DCC: variants seen among roughly 807,000 people sequenced by gnomAD.
DCC encodes DCC netrin 1 receptor, also known as netrin receptor DCC.
Under a neutral mutation model 172.5 loss-of-function variants are expected in DCC, and 58 were observed. The ratio of observed to expected loss-of-function variants is 0.34; its 90% CI spans 0.27 to 0.42. The LOEUF is 0.42. Ranked by LOEUF, DCC falls within the 10% of genes least tolerant of loss-of-function variation. DCC has a pLI of 1.00. For missense variants in DCC, 1,740 were observed against 1,791.0 expected (o/e 0.97, Z 0.51); for synonymous variants, 709 against 644.5 (o/e 1.10, Z -1.52).
At chr18:52,953,769 A>C (rs1290150223) in intron 5 of DCC, among the ~76,000 whole-genome samples, 1 of 152,228 alleles carries the variant, frequency 6.6e-6, no homozygotes, top group Non-Finnish European at 1.5e-5. Context: ...CTCAAACACT[A>C]TGAAAGAGAT....
chr18:53,056,774 G>A (rs924403662), intron 5 of DCC, among the ~76,000 whole-genome samples: 1 of 151,878 alleles, frequency 6.6e-6, no homozygotes, highest in Non-Finnish European at 1.5e-5. Context: ...CAAAGATTAT[G>A]GTTATTTTTT....
chr18:53,090,938 G>A (rs1405221841), intron 7 of DCC, among the ~76,000 whole-genome samples: 2 of 151,742 alleles, frequency 1.3e-5, no homozygotes, highest in Admixed American at 6.6e-5. Flanking sequence ...GTGTCCTGGG[G>A]TTCCTGAGTG....
intron 5 of DCC, among the ~76,000 whole-genome samples, chr18:52,933,084 C>T (rs2040331858): frequency 6.6e-6 from 1 of 152,078 alleles, no homozygotes; most frequent in Non-Finnish European, 1.5e-5. Flanking sequence ...ACCTTAATAG[C>T]TCATTGCTCA....
intron 1 of DCC, among the ~76,000 whole-genome samples, chr18:52,649,431 T>C (rs1360366757): frequency 8.7e-5 from 5 of 57,568 alleles, no homozygotes; most frequent in Non-Finnish European, 9.0e-5. Context: ...AGATTATATC[T>C]TTTTTTTTAT....
chr18:53,102,410 G>A (rs939271203), intron 7 of DCC, among the ~76,000 whole-genome samples: 1 of 152,168 alleles, frequency 6.6e-6, no homozygotes, highest in African/African-American at 2.4e-5. Context: ...TCTTTTGATT[G>A]TCTAGGATCT....
chr18:53,295,393 T>C (rs943153126), intron 12 of DCC, among the ~76,000 whole-genome samples: 25 of 152,178 alleles, frequency 1.6e-4, no homozygotes, highest in African/African-American at 6.0e-4. Context: ...AATAAGTTTA[T>C]AGATTTACAT....
At chr18:52,753,306 G>C (rs2145134955) in intron 2 of DCC, among the ~76,000 whole-genome samples, 1 of 152,266 alleles carries the variant, frequency 6.6e-6, no homozygotes, top group Admixed American at 6.5e-5. Flanking sequence ...TCATGGATTT[G>C]ACTGACCTTT....
intron 22 of DCC, among the ~76,000 whole-genome samples, chr18:53,450,195 A>C (rs2045391319): frequency 6.6e-6 from 1 of 151,828 alleles, no homozygotes; most frequent in East Asian, 1.9e-4. Context: ...ACACACACAC[A>C]CCACACATTT....
intron 2 of DCC, among the ~76,000 whole-genome samples, chr18:52,866,342 T>C (rs972985690): frequency 2.0e-5 from 3 of 152,200 alleles, no homozygotes; most frequent in Non-Finnish European, 4.4e-5. Context: ...TCCAGCTTTG[T>C]TCCTTTTGCT....
chr18:52,357,479 A>G (rs1034463739), intron 1 of DCC, among the ~76,000 whole-genome samples: 7 of 152,202 alleles, frequency 4.6e-5, no homozygotes, highest in Admixed American at 2.0e-4. Flanking sequence ...TATAAAATAA[A>G]TGTCCATGAG....
chr18:53,218,746 G>A (rs2055889326), intron 12 of DCC, among the ~76,000 whole-genome samples: 1 of 152,014 alleles, frequency 6.6e-6, no homozygotes, highest in African/African-American at 2.4e-5. Context: ...ACTTTAAAAT[G>A]TTACGTTTTA....
intron 5 of DCC, among the ~76,000 whole-genome samples, chr18:52,946,983 T>G (rs534025759): frequency 6.8e-6 from 1 of 146,040 alleles, no homozygotes; most frequent in East Asian, 2.0e-4. Flanking sequence ...ACCACCCATC[T>G]GCATGGCTCA....
intron 2 of DCC, among the ~76,000 whole-genome samples, chr18:52,870,953 G>A (rs1010126326): frequency 7.2e-5 from 11 of 152,080 alleles, no homozygotes; most frequent in Admixed American, 4.6e-4. Flanking sequence ...GCAGCAGGCA[G>A]GAAGAAACTT....
chr18:52,561,740 G>A (rs774531442), intron 1 of DCC, among the ~76,000 whole-genome samples: 3 of 151,928 alleles, frequency 2.0e-5, no homozygotes, highest in East Asian at 1.9e-4. Context: ...TTCACTTCGC[G>A]GTGGGTTTTA....
At chr18:52,773,718 G>A (rs548923151) in intron 2 of DCC, among the ~76,000 whole-genome samples, 47 of 152,168 alleles carry the variant, frequency 3.1e-4, no homozygotes, top group South Asian at 2.1e-4. Context: ...TAGTAGAGAC[G>A]GGGTTTCGCC....
intron 7 of DCC, among the ~76,000 whole-genome samples, chr18:53,146,615 A>G (rs1259440542): frequency 1.3e-5 from 2 of 152,260 alleles, no homozygotes; most frequent in Non-Finnish European, 2.9e-5. Flanking sequence ...CTCAATTCAT[A>G]GAAAGCCTTG....
chr18:52,519,044 G>C (rs2031728515), intron 1 of DCC, among the ~76,000 whole-genome samples: 1 of 152,148 alleles, frequency 6.6e-6, no homozygotes, highest in Non-Finnish European at 1.5e-5. Flanking sequence ...TATAGTTTTG[G>C]ATAACAGATT....
chr18:53,331,925 C>A (rs909195525), intron 14 of DCC, among the ~76,000 whole-genome samples: 1 of 152,142 alleles, frequency 6.6e-6, no homozygotes, highest in East Asian at 1.9e-4. Flanking sequence ...ACATTTTTCC[C>A]TCTTTTTCCT....
intron 2 of DCC, among the ~76,000 whole-genome samples, chr18:52,764,545 G>A (rs1258007677): frequency 6.6e-6 from 1 of 152,122 alleles, no homozygotes; most frequent in Non-Finnish European, 1.5e-5. Flanking sequence ...AAAAGAGCCT[G>A]GTGTCTCCTC....
Sources: gnomAD v4.1 joint callset for allele counts (sites outside exome capture counted in the v4.1 genomes callset) on GRCh38, gnomAD v4.1.1 for gene constraint, MANE v1.5 for transcripts, NCBI Gene and HGNC (gene_info 2026-07-23, HGNC 2026-07-21) for gene names.